The following NAV2 variants were observed in gnomAD, a reference collection of about 807,000 sequenced individuals.
The protein encoded by NAV2 is helicase, APC down-regulated 1.
A neutral mutation model predicts 223.2 loss-of-function variants in NAV2; 54 were observed. The observed-to-expected ratio is 0.24, with a 90% CI of 0.19 to 0.30. The LOEUF is 0.30. NAV2 is among the 10% of genes least tolerant of loss of function. NAV2 has a pLI of 1.00. For missense variants in NAV2, 2,806 were observed against 3,147.5 expected, an observed-to-expected ratio of 0.89 and a Z score of 2.60; for synonymous variants, 1,279 against 1,239.3, an observed-to-expected ratio of 1.03 and a Z score of -0.67.
chr11:19,447,883 ACC>A, intron 1 of NAV2, among the ~76,000 whole-genome samples: 1 of 151,796 alleles, frequency 6.6e-6, no homozygotes, highest in Non-Finnish European at 1.5e-5. Flanking sequence ...AGGCACAGGG[ACC>A]CCCGCCTCCA....
intron 1 of NAV2, among the ~76,000 whole-genome samples, chr11:19,469,755 G>A (rs2041904122): frequency 1.3e-5 from 2 of 152,212 alleles, no homozygotes; most frequent in African/African-American, 4.8e-5. Context: ...TATTCTGTAT[G>A]TTCTGTCTGT....
At position 20,049,202 on chromosome 11, in the gene NAV2, G is replaced by C. The variant is rs940512918; in HGVS notation, c.4370+7G>C. On this transcript the variant is annotated splice_region_variant and intron_variant, in intron 15 of 37. Coordinates refer to ENST00000349880, the MANE Select transcript of NAV2 (RefSeq NM_145117.5). ...AGACCACACTGTCAGAAAGGTTGGTGCTGTGCCTCTGGCTGCCTTTCTCAG... is the reference window on the plus strand; with the variant it reads ...AGACCACACTGTCAGAAAGGTTGGTCCTGTGCCTCTGGCTGCCTTTCTCAG... 3.2e-6 allele frequency: 5 copies of C among 1,550,902 alleles called. No individual in the cohort carries two copies. The highest frequency in any genetic ancestry group is 2.7e-5 in the African/African-American group (2 of 72,814).
At chr11:19,771,478 A>G (rs2055714977) in intron 1 of NAV2, among the ~76,000 whole-genome samples, 1 of 152,116 alleles carries the variant, frequency 6.6e-6, no homozygotes, top group African/African-American at 2.4e-5. Flanking sequence ...GAGCAAAGGC[A>G]TGGAGGTGTG....
intron 1 of NAV2, among the ~76,000 whole-genome samples, chr11:19,642,341 A>G (rs968063599): frequency 2.6e-5 from 4 of 152,218 alleles, no homozygotes; most frequent in East Asian, 1.9e-4. Context: ...TGCTCAGTAC[A>G]GTGTTAGGAA....
At chr11:19,463,240 C>A (rs1852227503) in intron 1 of NAV2, among the ~76,000 whole-genome samples, 2 of 152,246 alleles carry the variant, frequency 1.3e-5, no homozygotes, top group Admixed American at 6.5e-5. Flanking sequence ...TAATAGAGAT[C>A]ATGTTCTTCA....
intron 11 of NAV2, among the ~76,000 whole-genome samples, chr11:20,011,811 G>A (rs191596699): frequency 2.6e-5 from 4 of 152,340 alleles, no homozygotes; most frequent in African/African-American, 4.8e-5. Context: ...TCTATGTGGC[G>A]GAGCCATAAT....
chr11:19,878,262 A>G (rs1227973727), intron 4 of NAV2, among the ~76,000 whole-genome samples: 3 of 152,204 alleles, frequency 2.0e-5, no homozygotes, highest in African/African-American at 7.2e-5. Context: ...AAAAACTGTC[A>G]TTTTTAAGGT....
At position 19,787,270 on chromosome 11, in the gene NAV2, C is replaced by CTTTTTTTTTTTTTTTTTTTTTTTT. The variant is rs757183666; in HGVS notation, c.268-45209_268-45186dup. Among the ~76,000 whole-genome samples the CTTTTTTTTTTTTTTTTTTTTTTTT allele has an allele frequency of 1.3e-4, 7 of 55,008 alleles. 3 individuals carry two copies. The highest frequency in any genetic ancestry group is 1.4e-4 in the Non-Finnish European group (4 of 28,460). 36.1% of individuals were successfully genotyped at this position (55,008 alleles called of 152,430 possible). On this transcript the variant is annotated intron_variant, in intron 1 of 37. Transcript: ENST00000349880. The stretch of plus-strand genomic sequence containing the variant: ...CATGCCTGGCTAATTTTTATTGGAT[C>CTTTTTTTTTTTTTTTTTTTTTTTT]TTTTTTTTTTTTTTTTTTTTTTTTT...
Position 19,904,350 on chromosome 11 carries a change from T to C in NAV2, c.931+11756T>C, listed in dbSNP as rs1010056008. Among the ~76,000 whole-genome samples, 8 of 152,130 alleles carry C rather than the reference T, an allele frequency of 5.3e-5. No homozygotes were observed. The East Asian group carries it at 1.3e-3, about 26-fold the overall frequency. On this transcript the variant is annotated intron_variant, in intron 6 of 37. Transcript: ENST00000349880. ...TGCCTGCATGGAACTTAAAGTCTGA[T>C]GGAAGAGACAGTAAACAAATGCAAA...
At chr11:19,519,163 A>G (rs1023620351) in intron 1 of NAV2, among the ~76,000 whole-genome samples, 18 of 152,246 alleles carry the variant, frequency 1.2e-4, no homozygotes, top group African/African-American at 3.4e-4. Context: ...AATAACAAGA[A>G]CAACCACTCA....
chr11:19,790,832 G>A (rs972611673), intron 1 of NAV2, among the ~76,000 whole-genome samples: 5 of 151,796 alleles, frequency 3.3e-5, no homozygotes, highest in African/African-American at 1.2e-4. Context: ...TATTAGGGCT[G>A]GATCTGCTGC....
At chr11:19,616,829 G>C (rs1324884973) in intron 1 of NAV2, among the ~76,000 whole-genome samples, 2 of 152,026 alleles carry the variant, frequency 1.3e-5, no homozygotes, top group Non-Finnish European at 1.5e-5. Flanking sequence ...ATGCTGAATT[G>C]AGGCTGAGGG....
chr11:19,621,940 A>G (rs2047011392), intron 1 of NAV2, among the ~76,000 whole-genome samples: 1 of 152,054 alleles, frequency 6.6e-6, no homozygotes, highest in Non-Finnish European at 1.5e-5. Context: ...TGTCCCAGGG[A>G]TTCTGGTATG....
intron 3 of NAV2, among the ~76,000 whole-genome samples, chr11:19,866,104 C>T (rs757728863): frequency 6.7e-6 from 1 of 149,672 alleles, no homozygotes; most frequent in Non-Finnish European, 1.5e-5. Context: ...GAATTGAGTG[C>T]CATGCTGGCA....
At chr11:20,051,256 G>A (rs374214579) in intron 16 of NAV2, 33 bp from the exon 17 acceptor site, 1 of 1,605,264 alleles carries the variant, frequency 6.2e-7, no homozygotes, top group South Asian at 1.1e-5. Flanking sequence ...GTGCTGCTCT[G>A]AAGTTCTTAT....
intron 1 of NAV2, among the ~76,000 whole-genome samples, chr11:19,717,374 A>G (rs1340717185): frequency 6.6e-5 from 10 of 152,228 alleles, no homozygotes; most frequent in African/African-American, 2.4e-5. Flanking sequence ...GGGGCTGGGT[A>G]TCCAAGGTGC....
intron 6 of NAV2, among the ~76,000 whole-genome samples, chr11:19,902,731 T>A (rs1180392869): frequency 6.6e-6 from 1 of 152,216 alleles, no homozygotes; most frequent in Non-Finnish European, 1.5e-5. Context: ...CTCATAATAG[T>A]CATTTTTATC....
intron 31 of NAV2, among the ~76,000 whole-genome samples, chr11:20,100,593 A>T (rs1475355316): frequency 3.8e-5 from 5 of 132,878 alleles, no homozygotes; most frequent in East Asian, 6.4e-4. Flanking sequence ...GTGTGTGTGT[A>T]GTAAGTATAG....
intron 1 of NAV2, among the ~76,000 whole-genome samples, chr11:19,812,810 G>A (rs779405895): frequency 2.0e-5 from 3 of 152,004 alleles, no homozygotes; most frequent in African/African-American, 4.8e-5. Context: ...TTTTTCCATC[G>A]CCTTTCTATA....
Sources: allele counts gnomAD v4.1 joint callset (sites outside exome capture counted in the v4.1 genomes callset), GRCh38; gene constraint gnomAD v4.1.1; transcripts MANE v1.5; gene names NCBI Gene and HGNC (gene_info 2026-07-23, HGNC 2026-07-21).